CNOT10: variants seen among roughly 807,000 people sequenced by gnomAD.
CNOT10 encodes the protein CCR4-NOT transcription complex, subunit 10.
Under a neutral mutation model 94.6 loss-of-function variants are expected in CNOT10, and 30 were observed. The observed-to-expected ratio is 0.32, with a 90% CI of 0.24 to 0.43. The LOEUF (loss-of-function observed/expected upper bound fraction) is 0.43. Among genes scored for constraint, CNOT10 ranks in the 20% least tolerant of loss-of-function variants. The probability of loss-of-function intolerance (pLI) is 1.00; values close to 1 mark genes in which losing one functional copy is unlikely to be tolerated. For synonymous variants in CNOT10, 289 were observed against 301.6 expected (o/e 0.96, Z 0.43); for missense variants, 759 against 877.2 (o/e 0.87, Z 1.70).
intron 11 of CNOT10, 67 bp downstream of exon 11, chr3:32,733,611 T>G (rs1575260080): frequency 9.1e-7 from 1 of 1,102,580 alleles, no homozygotes; most frequent in East Asian, 2.8e-5. Context: ...TACTTATATA[T>G]AAAAGTATGA....
chr3:32,729,711 T>C (rs1698846130), intron 10 of CNOT10, among the ~76,000 whole-genome samples: 1 of 152,112 alleles, frequency 6.6e-6, no homozygotes, highest in Non-Finnish European at 1.5e-5. Flanking sequence ...ACAACTTTCT[T>C]ATTGGTTAAT....
chr3:32,701,620 C>G (rs1214017985), intron 1 of CNOT10, among the ~76,000 whole-genome samples: 1 of 152,078 alleles, frequency 6.6e-6, no homozygotes. Context: ...GTAGCACCTC[C>G]CCCTTTGCTC....
intron 14 of CNOT10, 126 bp downstream of exon 14, chr3:32,759,697 T>C: frequency 1.4e-6 from 1 of 714,210 alleles, no homozygotes. Context: ...AGCAACTGTT[T>C]AAAAGAACGT....
chr3:32,764,750 C>T lies in CNOT10; in HGVS notation c.1945C>T (p.Leu649Phe). ...TGCCAGGACTGTGATGCTGTTCAAC[C>T]TTGGCAGCGCTTACTGCCTGAGGAG... ...NSARTVMLFN[L>F]GSAYCLRSEY... The change falls in exon 17 of 19, where the codon CTT (leucine) becomes TTT (phenylalanine). Residue 649 changes from leucine to phenylalanine, a missense_variant. Leu to Phe is a conservative substitution (Grantham distance 22, BLOSUM62 0). This residue lies in a region of CNOT10 where 682 missense variants were observed against 799.4 expected (regional missense o/e 0.85). Coordinates refer to ENST00000328834, the MANE Select transcript of CNOT10 (RefSeq NM_015442.3). The T allele has an allele frequency of 6.2e-7, 1 of 1,614,186 alleles. No homozygotes were observed. The highest frequency in any genetic ancestry group is 8.5e-7 in the Non-Finnish European group (1 of 1,180,032).
chr3:32,768,619 TCTTGCCTATACAG>T (rs1700757726), intron 17 of CNOT10, among the ~76,000 whole-genome samples: 1 of 151,870 alleles, frequency 6.6e-6, no homozygotes, highest in Non-Finnish European at 1.5e-5. Context: ...ATAAAGACGA[TCTTGCCTATACAG>T]CTTGCCTAGA....
At chr3:32,692,085 G>T (rs1696876091) in intron 1 of CNOT10, among the ~76,000 whole-genome samples, 4 of 151,198 alleles carry the variant, frequency 2.6e-5, no homozygotes, top group Admixed American at 2.6e-4. Flanking sequence ...TTCCCGCCAG[G>T]CATGGTGGTT....
intron 7 of CNOT10, among the ~76,000 whole-genome samples, chr3:32,718,086 A>G (rs1698202728): frequency 6.6e-6 from 1 of 151,944 alleles, no homozygotes; most frequent in Non-Finnish European, 1.5e-5. Flanking sequence ...TGCTTCTAGA[A>G]AAACTATAAA....
chr3:32,697,469 C>A (rs1250980286), intron 1 of CNOT10, among the ~76,000 whole-genome samples: 2 of 151,638 alleles, frequency 1.3e-5, no homozygotes, highest in Admixed American at 6.6e-5. Flanking sequence ...TTATTCATAT[C>A]TTTTATTATT....
At chr3:32,708,149 C>T (rs1260800159) in intron 3 of CNOT10, among the ~76,000 whole-genome samples, 8 of 152,142 alleles carry the variant, frequency 5.3e-5, no homozygotes, top group Non-Finnish European at 8.8e-5. Context: ...CTGCCTGTCT[C>T]GGCCTCCCAA....
At chr3:32,762,427 G>A (rs1036321899) in intron 14 of CNOT10, among the ~76,000 whole-genome samples, 10 of 151,666 alleles carry the variant, frequency 6.6e-5, no homozygotes, top group East Asian at 2.0e-4. Flanking sequence ...ATGCCACCAC[G>A]CCCAGCTAAT....
Position 32,727,710 on chromosome 3 carries a change from A to C in CNOT10, c.1055A>C (p.Asn352Thr). Reference sequence around the variant, plus strand: ...AGACCCATGTGTACGTTACTAACCAATAAGAGATATGAGTTGCTGTATAAC... The same window carrying C: ...AGACCCATGTGTACGTTACTAACCACTAAGAGATATGAGTTGCTGTATAAC... ...SGRPMCTLLT[N>T]KRYELLYNCG... Residue 352 changes from asparagine (N) to threonine (T), a missense_variant, in exon 10 of 19, where the codon AAT (asparagine) becomes ACT (threonine). Physicochemically the swap from Asn to Thr is moderately conservative, Grantham distance 65. Around this residue, in one of 3 missense-constraint regions of CNOT10, gnomAD observed 682 missense variants for 799.4 expected, o/e 0.85. Coordinates refer to ENST00000328834, the MANE Select transcript of CNOT10 (RefSeq NM_015442.3). The C allele has an allele frequency of 6.2e-7, 1 of 1,614,142 alleles. No individual in the cohort carries two copies. The highest frequency in any genetic ancestry group is 8.5e-7 in the Non-Finnish European group (1 of 1,179,992).
At chr3:32,706,245 T>C (rs941017289) in intron 3 of CNOT10, among the ~76,000 whole-genome samples, 1 of 152,214 alleles carries the variant, frequency 6.6e-6, no homozygotes, top group Non-Finnish European at 1.5e-5. Flanking sequence ...TTACTGATAA[T>C]CTAGTACATG....
chr3:32,764,808 A>T lies in CNOT10; in HGVS notation c.2003A>T (p.Gln668Leu). Residue 668 changes from glutamine (Q) to leucine (L), a missense_variant and splice_region_variant, in exon 17 of 19, where the codon CAG becomes CTG. Physicochemically the swap from Gln to Leu is moderately radical, Grantham distance 113. This residue lies in a region of CNOT10 where 682 missense variants were observed against 799.4 expected (regional missense o/e 0.85). Transcript: ENST00000328834. ...GACAAAGCCCGAAAGTGTCTCCACC[A>T]GGTGAGTCCAGAGTGGGAGGAACTG... ...EYDKARKCLHQAASMIHPKEV... is the reference protein window; with the variant it reads ...EYDKARKCLHLAASMIHPKEV... 1 of 1,614,192 alleles carries T rather than the reference A, an allele frequency of 6.2e-7. No homozygotes were observed. The highest frequency in any genetic ancestry group is 1.3e-5 in the African/African-American group (1 of 75,064).
Position 32,685,376 on chromosome 3 carries a change from TC to T in CNOT10, c.-84del. 1 of 1,501,420 alleles carries T rather than the reference TC, an allele frequency of 6.7e-7. No individual in the cohort carries two copies. Among genetic ancestry groups the T allele is most frequent in the African/African-American group, 1.4e-5 (1 of 72,180 alleles). The allele number at this position is 1,501,420 out of a possible 1,614,324, so 93.0% of individuals were successfully genotyped here. On this transcript the variant is annotated 5_prime_UTR_variant, in exon 1 of 19. Transcript: ENST00000328834. ...AGCCGGGGTAGGCACAGAGTTGTCC[TC>T]GGAGGTCCAGGACAGCGGCCAGCCC... is the stretch of plus-strand genomic sequence containing the variant.
At chr3:32,708,942 T>TA in intron 4 of CNOT10, 122 bp downstream of exon 4, 1 of 715,480 alleles carries the variant, frequency 1.4e-6, no homozygotes, top group Non-Finnish European at 2.2e-6. Context: ...AAAAGCCGTA[T>TA]CAGCTTTGCT....
At chr3:32,734,735 A>AT in intron 11 of CNOT10, 65 bp from the exon 12 acceptor site, 1 of 1,286,380 alleles carries the variant, frequency 7.8e-7, no homozygotes, top group Non-Finnish European at 1.1e-6. Context: ...TTTATTCCTC[A>AT]TAATAAAAGA....
chr3:32,729,760 CTTTTTTTTT>C (rs10590243), intron 10 of CNOT10, among the ~76,000 whole-genome samples: 14 of 71,762 alleles, frequency 2.0e-4, no homozygotes, highest in Non-Finnish European at 2.7e-4. Flanking sequence ...ATTTATACTT[CTTTTTTTTT>C]TTTTTTTTTT....
At chr3:32,751,670 G>A (rs1171471406) in intron 13 of CNOT10, among the ~76,000 whole-genome samples, 1 of 152,192 alleles carries the variant, frequency 6.6e-6, no homozygotes, top group Admixed American at 6.5e-5. Flanking sequence ...GACAGTTTTA[G>A]TGTGCTTAAG....
intron 18 of CNOT10, among the ~76,000 whole-genome samples, chr3:32,773,055 C>T (rs549620664): frequency 2.3e-4 from 35 of 152,140 alleles, no homozygotes; most frequent in African/African-American, 7.0e-4. Flanking sequence ...TTTGTAGAGA[C>T]GGGGTTTCAC....
Sources: allele counts gnomAD v4.1 joint callset (sites outside exome capture counted in the v4.1 genomes callset), GRCh38; gene constraint gnomAD v4.1.1; regional missense constraint gnomAD v4.1.1; transcripts MANE v1.5; gene names NCBI Gene and HGNC (gene_info 2026-07-23, HGNC 2026-07-21).